The following CCDC150 variants were observed in gnomAD, a reference collection of about 807,000 sequenced individuals.
The protein encoded by CCDC150 is coiled-coil domain containing 150, also known as coiled-coil domain-containing protein 150.
CCDC150 carries 151 observed loss-of-function variants against 156.5 expected under a neutral mutation model. The observed-to-expected ratio is 0.97, with a 90% CI of 0.85 to 1.10. The LOEUF (loss-of-function observed/expected upper bound fraction) is 1.10. CCDC150 is among the 50% of genes least tolerant of loss of function. The probability of loss-of-function intolerance (pLI) is 0.00; values close to 1 mark genes in which losing one functional copy is unlikely to be tolerated. For missense variants in CCDC150, 1,312 were observed against 1,268.1 expected, an observed-to-expected ratio of 1.03 and a Z score of -0.53; for synonymous variants, 452 against 429.4, an observed-to-expected ratio of 1.05 and a Z score of -0.65.
In CCDC150 at chr2:196,729,404, C is replaced by T; in HGVS notation, c.2751+17C>T. On this transcript the variant is annotated intron_variant, in intron 23 of 27. Coordinates refer to ENST00000389175, the MANE Select transcript of CCDC150 (RefSeq NM_001080539.2). ...AGGATGAAGGTTGTATGGGAAACCT[C>T]TTCTCACTTCCTGGATACCCTGTGA... is the stretch of plus-strand genomic sequence containing the variant. The T allele has an allele frequency of 6.2e-7, 1 of 1,610,814 alleles. No homozygotes were observed. The highest frequency in any genetic ancestry group is 8.5e-7 in the Non-Finnish European group (1 of 1,177,294).
chr2:196,664,862 G>A (rs550019224), intron 5 of CCDC150, among the ~76,000 whole-genome samples: 30 of 151,982 alleles, frequency 2.0e-4, no homozygotes, highest in African/African-American at 6.0e-4. Flanking sequence ...CAGGAACGAG[G>A]GTCAGAAATG....
At chr2:196,709,630 CA>C (rs1407136495) in intron 15 of CCDC150, among the ~76,000 whole-genome samples, 2 of 152,288 alleles carry the variant, frequency 1.3e-5, no homozygotes, top group East Asian at 1.9e-4. Context: ...GGTTTCTCCC[CA>C]TCTTTGTGCT....
intron 14 of CCDC150, among the ~76,000 whole-genome samples, chr2:196,697,844 T>A (rs1471520778): frequency 1.3e-5 from 2 of 152,232 alleles, no homozygotes; most frequent in African/African-American, 4.8e-5. Flanking sequence ...AATAATTTTG[T>A]GGCTTACTGT....
intron 15 of CCDC150, among the ~76,000 whole-genome samples, chr2:196,711,321 G>A (rs1257743355): frequency 6.6e-6 from 1 of 152,114 alleles, no homozygotes; most frequent in Non-Finnish European, 1.5e-5. Context: ...CCATTCAAAT[G>A]TTAACAGTTG....
At chr2:196,654,277 T>C (rs1035896965) in intron 2 of CCDC150, among the ~76,000 whole-genome samples, 2 of 152,208 alleles carry the variant, frequency 1.3e-5, no homozygotes, top group Non-Finnish European at 2.9e-5. Context: ...TCTGGATTTC[T>C]ATGTCCTTCC....
chr2:196,641,467 T>C (rs1692227438), intron 1 of CCDC150, among the ~76,000 whole-genome samples: 1 of 152,190 alleles, frequency 6.6e-6, no homozygotes, highest in South Asian at 2.1e-4. Flanking sequence ...AGGTCTTTGC[T>C]CAAATGTTAT....
chr2:196,720,719 G>A lies in CCDC150; in HGVS notation c.2259+51G>A, dbSNP rs963047802. ...TAACATTGATATTTTTAGTTTTATTGGGATATTACTGTTTTTGGGAAAATG... is the reference window on the plus strand; with the variant it reads ...TAACATTGATATTTTTAGTTTTATTAGGATATTACTGTTTTTGGGAAAATG... On this transcript the variant is annotated intron_variant, in intron 20 of 27. Transcript: ENST00000389175. 3 of 1,470,450 alleles carry A rather than the reference G, an allele frequency of 2.0e-6. No homozygotes were observed. The Admixed American group carries it at 5.9e-5, about 29-fold the overall frequency. 91.1% of individuals were successfully genotyped at this position (1,470,450 alleles called of 1,614,324 possible).
intron 15 of CCDC150, among the ~76,000 whole-genome samples, chr2:196,707,870 AC>A (rs1696780414): frequency 6.6e-6 from 1 of 152,092 alleles, no homozygotes; most frequent in East Asian, 1.9e-4. Context: ...CATCTGAGAG[AC>A]AGTTTGTTGT....
intron 6 of CCDC150, 71 bp from the exon 7 acceptor site, chr2:196,666,648 A>T: frequency 7.7e-7 from 1 of 1,300,094 alleles, no homozygotes; most frequent in Non-Finnish European, 1.1e-6. Context: ...GTTGCCTTAT[A>T]CATGTGCTAT....
Position 196,683,111 on chromosome 2 carries a change from A to G in CCDC150, c.1509+5750A>G, listed in dbSNP as rs1694938346. On this transcript the variant is annotated intron_variant, in intron 13 of 27. Coordinates refer to ENST00000389175, the MANE Select transcript of CCDC150 (RefSeq NM_001080539.2). ...GTCTTGTTTCTGATCTTCGGGGGAA[A>G]GCTTTTAGTTTGTCACCATTAAGTA... Among the ~76,000 whole-genome samples, 3 of 152,160 alleles carry G rather than the reference A, an allele frequency of 2.0e-5. No homozygotes were observed. The South Asian group carries it at 6.2e-4, about 32-fold the overall frequency.
intron 21 of CCDC150, among the ~76,000 whole-genome samples, chr2:196,723,056 A>G (rs946434808): frequency 2.0e-5 from 3 of 152,232 alleles, no homozygotes; most frequent in African/African-American, 4.8e-5. Flanking sequence ...CTGAAATCAT[A>G]TGCAGAACTG....
intron 2 of CCDC150, among the ~76,000 whole-genome samples, chr2:196,647,051 A>T (rs549246992): frequency 6.6e-6 from 1 of 152,126 alleles, no homozygotes; most frequent in African/African-American, 2.4e-5. Context: ...TAAGCAGCCA[A>T]TTGAGAATTT....
chr2:196,732,303 T>A, intron 27 of CCDC150, 143 bp from the exon 28 acceptor site: 1 of 1,182,292 alleles, frequency 8.5e-7, no homozygotes, highest in Non-Finnish European at 1.2e-6. Context: ...TTTCTTTTTT[T>A]TACAAAGTTC....
chr2:196,672,575 T>G (rs1694267203), intron 9 of CCDC150, 138 bp downstream of exon 9: 1 of 491,474 alleles, frequency 2.0e-6, no homozygotes. Flanking sequence ...TAAGATTTAT[T>G]TCATCTTTGA....
chr2:196,677,034 G>A (rs962045583), intron 12 of CCDC150: 8 of 679,610 alleles, frequency 1.2e-5, no homozygotes, highest in Admixed American at 4.1e-5. Flanking sequence ...GACAGCGAAG[G>A]TTAAGGGGGA....
At chr2:196,730,558 C>G (rs1698465250) in intron 25 of CCDC150, among the ~76,000 whole-genome samples, 1 of 152,150 alleles carries the variant, frequency 6.6e-6, no homozygotes, top group South Asian at 2.1e-4. Flanking sequence ...GAGCTCTTGT[C>G]TTTCAGTAGG....
intron 15 of CCDC150, among the ~76,000 whole-genome samples, chr2:196,703,028 T>C (rs1272861592): frequency 1.3e-5 from 2 of 152,338 alleles, no homozygotes; most frequent in South Asian, 2.1e-4. Flanking sequence ...TAACCCTTCA[T>C]GAGAGCAGAT....
chr2:196,692,450 A>G (rs1695548330), intron 13 of CCDC150, among the ~76,000 whole-genome samples: 1 of 152,118 alleles, frequency 6.6e-6, no homozygotes, highest in South Asian at 2.1e-4. Context: ...TAATTTTTTG[A>G]TGTGGGAATT....
chr2:196,680,186 C>T (rs1694736897), intron 13 of CCDC150, among the ~76,000 whole-genome samples: 1 of 152,112 alleles, frequency 6.6e-6, no homozygotes, highest in South Asian at 2.1e-4. Flanking sequence ...AACCTAGGAT[C>T]ACCACAATTT....
Sources: gnomAD v4.1 joint callset for allele counts (sites outside exome capture counted in the v4.1 genomes callset) on GRCh38, gnomAD v4.1.1 for gene constraint, MANE v1.5 for transcripts, NCBI Gene and HGNC (gene_info 2026-07-23, HGNC 2026-07-21) for gene names.